Variants in OXR1 observed in about 807,000 individuals in gnomAD.
OXR1 encodes oxidation resistance protein 1.
In OXR1, 41 loss-of-function variants were observed where a neutral mutation model predicts 104.6. The observed-to-expected ratio is 0.39, with a 90% CI of 0.31 to 0.51. The LOEUF (loss-of-function observed/expected upper bound fraction) is 0.51. Ranked by LOEUF, OXR1 falls within the 20% of genes least tolerant of loss-of-function variation. The pLI, the probability that OXR1 is intolerant of heterozygous loss-of-function variation, is 0.77. For missense variants in OXR1, 955 were observed against 1,031.9 expected (o/e 0.93, Z 1.02); for synonymous variants, 348 against 348.4 (o/e 1.00, Z 0.01).
At chr8:106,392,642 A>G (rs1244762645) in intron 2 of OXR1, among the ~76,000 whole-genome samples, 1 of 152,154 alleles carries the variant, frequency 6.6e-6, no homozygotes, top group Admixed American at 6.6e-5. Context: ...AAAATTGGTA[A>G]TGGGTGGGAA....
At chr8:106,476,926 G>A (rs151230859) in intron 2 of OXR1, among the ~76,000 whole-genome samples, 1 of 151,986 alleles carries the variant, frequency 6.6e-6, no homozygotes, top group East Asian at 1.9e-4. Flanking sequence ...AAAGCCTCGA[G>A]GCATTTTGCA....
At chr8:106,349,543 A>G (rs904081654) in intron 1 of OXR1, among the ~76,000 whole-genome samples, 2 of 152,216 alleles carry the variant, frequency 1.3e-5, no homozygotes, top group African/African-American at 4.8e-5. Context: ...TTAATAAAAA[A>G]TCAGGGAAAA....
chr8:106,675,126 T>C (rs952561595), intron 3 of OXR1, among the ~76,000 whole-genome samples: 1 of 152,200 alleles, frequency 6.6e-6, no homozygotes, highest in East Asian at 1.9e-4. Flanking sequence ...GATATAATTT[T>C]CGATTTGTAT....
chr8:106,319,445 G>T (rs902359035), intron 1 of OXR1, among the ~76,000 whole-genome samples: 4 of 152,216 alleles, frequency 2.6e-5, no homozygotes, highest in Non-Finnish European at 2.9e-5. Context: ...GTCTTTCAGA[G>T]AATTAAATTT....
chr8:106,640,729 T>G (rs980425600), intron 3 of OXR1, among the ~76,000 whole-genome samples: 1 of 152,194 alleles, frequency 6.6e-6, no homozygotes, highest in African/African-American at 2.4e-5. Flanking sequence ...AAATTACATC[T>G]GAGAAAGACA....
At chr8:106,312,162 A>G (rs1191268143) in intron 1 of OXR1, among the ~76,000 whole-genome samples, 2 of 152,210 alleles carry the variant, frequency 1.3e-5, no homozygotes, top group Admixed American at 6.5e-5. Flanking sequence ...TTTGAATTAA[A>G]TATGTCTTGA....
At chr8:106,308,355 G>A (rs995126382) in intron 1 of OXR1, among the ~76,000 whole-genome samples, 2 of 152,126 alleles carry the variant, frequency 1.3e-5, no homozygotes, top group Non-Finnish European at 2.9e-5. Flanking sequence ...GTGGTGAAGT[G>A]ATCTTCTTTA....
At chr8:106,397,351 A>C (rs1169532293) in intron 2 of OXR1, among the ~76,000 whole-genome samples, 2 of 152,256 alleles carry the variant, frequency 1.3e-5, no homozygotes, top group East Asian at 1.9e-4. Flanking sequence ...TGAATCTTAA[A>C]TAACAACTAT....
At chr8:106,581,426 A>G (rs1000017464) in intron 3 of OXR1, among the ~76,000 whole-genome samples, 1 of 152,114 alleles carries the variant, frequency 6.6e-6, no homozygotes, top group Non-Finnish European at 1.5e-5. Flanking sequence ...CCTTTTATGG[A>G]GTATTAGAAA....
At chr8:106,408,011 G>A (rs1177313156) in intron 2 of OXR1, among the ~76,000 whole-genome samples, 1 of 152,162 alleles carries the variant, frequency 6.6e-6, no homozygotes, top group Non-Finnish European at 1.5e-5. Context: ...AGAAATAGAG[G>A]AATGTCTGGA....
At position 106,751,657 on chromosome 8, in the gene OXR1, A is replaced by G. The variant is rs1835896862; in HGVS notation, c.*716A>G. On this transcript the variant is annotated 3_prime_UTR_variant, in exon 17 of 17. Transcript: ENST00000517566. ...TTACAAGTCACAAAGGAGAATGAGA[A>G]CTTAATGATTCTATTGGATTTAATA... 6.6e-6 allele frequency: 1 copy of G among 152,580 alleles called. No homozygotes were observed. Among genetic ancestry groups the G allele is most frequent in the Admixed American group, 6.5e-5 (1 of 15,272 alleles). 9.5% of individuals were successfully genotyped at this position (152,580 alleles called of 1,614,324 possible).
chr8:106,698,396 G>A (rs1830275793), intron 7 of OXR1, among the ~76,000 whole-genome samples: 2 of 151,924 alleles, frequency 1.3e-5, no homozygotes, highest in Admixed American at 1.3e-4. Context: ...TGTTTTGCTG[G>A]GGGTTCCTTT....
At chr8:106,315,313 A>G (rs919456902) in intron 1 of OXR1, among the ~76,000 whole-genome samples, 1 of 152,180 alleles carries the variant, frequency 6.6e-6, no homozygotes, top group Non-Finnish European at 1.5e-5. Context: ...ACAAGGCACA[A>G]AGCTATCACA....
At chr8:106,384,611 G>T (rs1240432296) in intron 2 of OXR1, among the ~76,000 whole-genome samples, 1 of 152,110 alleles carries the variant, frequency 6.6e-6, no homozygotes, top group African/African-American at 2.4e-5. Flanking sequence ...CTTATCTTTG[G>T]TGTGCTCCTT....
At chr8:106,712,091 T>C (rs1178765658) in intron 10 of OXR1, among the ~76,000 whole-genome samples, 14 of 152,124 alleles carry the variant, frequency 9.2e-5, no homozygotes, top group Non-Finnish European at 2.9e-5. Context: ...TATTTTTCTT[T>C]ATAAGTACTG....
At chr8:106,340,977 C>A (rs1037190834) in intron 1 of OXR1, among the ~76,000 whole-genome samples, 2 of 152,062 alleles carry the variant, frequency 1.3e-5, no homozygotes, top group Non-Finnish European at 2.9e-5. Flanking sequence ...GTAGACTAGG[C>A]AAATATAAAC....
intron 1 of OXR1, among the ~76,000 whole-genome samples, chr8:106,356,961 G>A (rs1815998809): frequency 1.3e-5 from 2 of 151,950 alleles, no homozygotes; most frequent in Admixed American, 6.6e-5. Flanking sequence ...TTGTGTGTTG[G>A]CAACTTGTCC....
chr8:106,473,418 G>A (rs1192731976), intron 2 of OXR1, among the ~76,000 whole-genome samples: 2 of 151,844 alleles, frequency 1.3e-5, no homozygotes, highest in East Asian at 3.9e-4. Context: ...GGCAGAAAAT[G>A]CCCTCATTAA....
rs980148383 is a variant in OXR1 at position 106,713,471 on chromosome 8, T to C, written c.1794-352T>C. Among the ~76,000 whole-genome samples the C allele has an allele frequency of 2.6e-5, 4 of 152,106 alleles. No individual in the cohort carries two copies. The East Asian group carries it at 7.7e-4, about 29-fold the overall frequency. On this transcript the variant is annotated intron_variant, in intron 10 of 16. Coordinates refer to ENST00000517566, the MANE Select transcript of OXR1 (RefSeq NM_001198533.2). The stretch of plus-strand genomic sequence containing the variant: ...ATTAATAAATTGTTTACTTGTATTT[T>C]AGATCATTAGATTATTGTAGGAATG...
Sources: gnomAD v4.1 joint callset for allele counts (sites outside exome capture counted in the v4.1 genomes callset) on GRCh38, gnomAD v4.1.1 for gene constraint, MANE v1.5 for transcripts, NCBI Gene and HGNC (gene_info 2026-07-23, HGNC 2026-07-21) for gene names.